The following DAB1 variants were observed in gnomAD, a reference collection of about 807,000 sequenced individuals.
DAB1 encodes DAB adaptor protein 1.
Under a neutral mutation model 64.6 loss-of-function variants are expected in DAB1, and 15 were observed. The observed-to-expected ratio is 0.23, with a 90% CI of 0.16 to 0.36. DAB1 has a LOEUF of 0.36. Ranked by LOEUF, DAB1 falls within the 10% of genes least tolerant of loss-of-function variation. DAB1 has a pLI of 1.00. For missense variants in DAB1, 596 were observed against 706.7 expected, an observed-to-expected ratio of 0.84 and a Z score of 1.78; for synonymous variants, 235 against 251.9, an observed-to-expected ratio of 0.93 and a Z score of 0.64.
intron 7 of DAB1, among the ~76,000 whole-genome samples, chr1:57,580,290 T>G (rs1645297910): frequency 6.6e-6 from 1 of 152,126 alleles, no homozygotes; most frequent in Non-Finnish European, 1.5e-5. Flanking sequence ...AAGGCTATAT[T>G]ACAAATGGTC....
intron 7 of DAB1, among the ~76,000 whole-genome samples, chr1:57,562,414 T>C (rs2691454): frequency 0.88 from 133,422 of 152,256 alleles, 60,114 homozygotes; most frequent in East Asian, 1. Context: ...AGGGGGCTCA[T>C]GCTCATGGAA....
intron 7 of DAB1, among the ~76,000 whole-genome samples, chr1:57,439,116 C>A (rs970249038): frequency 1.1e-4 from 16 of 152,142 alleles, no homozygotes; most frequent in Non-Finnish European, 2.2e-4. Flanking sequence ...TGCAGAAATA[C>A]TGAGGTGAAA....
intron 6 of DAB1, among the ~76,000 whole-genome samples, chr1:57,815,981 T>A (rs1439156098): frequency 6.6e-6 from 1 of 152,208 alleles, no homozygotes; most frequent in East Asian, 1.9e-4. Flanking sequence ...GAGTCAAGAT[T>A]TCTGGATCCC....
chr1:58,251,927 C>G (rs1660810004), intron 4 of DAB1, among the ~76,000 whole-genome samples: 1 of 152,162 alleles, frequency 6.6e-6, no homozygotes, highest in Non-Finnish European at 1.5e-5. Flanking sequence ...CTGACCTCCA[C>G]AACCACAGCA....
chr1:57,663,384 T>C (rs1459539886), intron 6 of DAB1, among the ~76,000 whole-genome samples: 1 of 152,094 alleles, frequency 6.6e-6, no homozygotes, highest in Non-Finnish European at 1.5e-5. Flanking sequence ...ATCAGGTGGG[T>C]ACATAGAAGC....
chr1:57,761,744 C>T (rs1649099918), intron 6 of DAB1, among the ~76,000 whole-genome samples: 1 of 152,234 alleles, frequency 6.6e-6, no homozygotes, highest in Non-Finnish European at 1.5e-5. Context: ...TGTCCCTGCC[C>T]TTGGCATTGT....
intron 4 of DAB1, among the ~76,000 whole-genome samples, chr1:58,277,188 C>T (rs536709277): frequency 5.9e-5 from 9 of 151,774 alleles, no homozygotes; most frequent in South Asian, 2.1e-4. Flanking sequence ...TACAGGCATG[C>T]GCCACCACAC....
chr1:58,276,595 G>C (rs999674210), intron 4 of DAB1, among the ~76,000 whole-genome samples: 2 of 152,172 alleles, frequency 1.3e-5, no homozygotes, highest in African/African-American at 4.8e-5. Flanking sequence ...AGACAAGGTT[G>C]GCTGATGAGG....
At chr1:57,786,303 A>G (rs1650336840) in intron 6 of DAB1, among the ~76,000 whole-genome samples, 2 of 152,156 alleles carry the variant, frequency 1.3e-5, no homozygotes, top group African/African-American at 4.8e-5. Context: ...AACCCACAAT[A>G]CCTCTAAGGT....
chr1:57,522,535 C>T (rs1285290358), intron 7 of DAB1, among the ~76,000 whole-genome samples: 1 of 152,170 alleles, frequency 6.6e-6, no homozygotes, highest in Non-Finnish European at 1.5e-5. Flanking sequence ...AATGGACTCA[C>T]AGTTCCACAG....
rs981424715 is a variant in DAB1 at position 57,472,655 on chromosome 1, C to T, written n.625+176937G>A. Among the ~76,000 whole-genome samples the T allele has an allele frequency of 4.6e-5, 7 of 152,126 alleles. No homozygotes were observed. The East Asian group carries it at 5.8e-4, about 13-fold the overall frequency. On this transcript the variant is annotated intron_variant and non_coding_transcript_variant, in intron 7 of 20. Coordinates refer to the DAB1 transcript ENST00000485760. Reference sequence around the variant, plus strand: ...TGCTCAATCGATCACGACCCTCTCACGCGCACCCCCTTAGAGTTGTGAGCC... The same window carrying T: ...TGCTCAATCGATCACGACCCTCTCATGCGCACCCCCTTAGAGTTGTGAGCC...
At chr1:58,310,322 G>A (rs996095166) in intron 4 of DAB1, among the ~76,000 whole-genome samples, 7 of 152,128 alleles carry the variant, frequency 4.6e-5, no homozygotes, top group Non-Finnish European at 1.5e-5. Flanking sequence ...AATTGATACA[G>A]AAGAGTATTC....
At chr1:57,984,544 T>C (rs547182079) in intron 5 of DAB1, among the ~76,000 whole-genome samples, 1 of 152,310 alleles carries the variant, frequency 6.6e-6, no homozygotes, top group Admixed American at 6.5e-5. Flanking sequence ...TCCAGCAAAT[T>C]AAGCAGTAGG....
chr1:58,221,206 T>C (rs1659153836), intron 4 of DAB1, among the ~76,000 whole-genome samples: 1 of 152,038 alleles, frequency 6.6e-6, no homozygotes, highest in African/African-American at 2.4e-5. Context: ...CCTGAGAAAA[T>C]ATGAATCAGA....
chr1:58,444,083 T>G (rs1645040593), intron 3 of DAB1, among the ~76,000 whole-genome samples: 1 of 152,250 alleles, frequency 6.6e-6, no homozygotes. Flanking sequence ...TCTCCTGTCT[T>G]GGTTCTTATT....
At chr1:57,763,484 C>A (rs1649173525) in intron 6 of DAB1, among the ~76,000 whole-genome samples, 1 of 152,032 alleles carries the variant, frequency 6.6e-6, no homozygotes. Context: ...TCAAGACAAG[C>A]CTGACAATAG....
At chr1:57,117,815 A>C (rs1656271514) in intron 4 of DAB1, among the ~76,000 whole-genome samples, 2 of 150,694 alleles carry the variant, frequency 1.3e-5, no homozygotes, top group East Asian at 2.0e-4. Context: ...AAAATGTTGA[A>C]GTCCACTTCC....
At chr1:58,033,699 GATTA>G (rs900177470) in intron 5 of DAB1, among the ~76,000 whole-genome samples, 19 of 152,124 alleles carry the variant, frequency 1.2e-4, no homozygotes, top group Admixed American at 7.2e-4. Context: ...TTGTTGAGTA[GATTA>G]ATTAAGAGTG....
At chr1:57,355,535 G>C (rs1398432784) in intron 1 of DAB1, among the ~76,000 whole-genome samples, 3 of 152,016 alleles carry the variant, frequency 2.0e-5, no homozygotes, top group African/African-American at 7.2e-5. Context: ...AGTGCTATGG[G>C]GATAGAGTGG....
Sources: gnomAD v4.1 joint callset for allele counts (sites outside exome capture counted in the v4.1 genomes callset) on GRCh38, gnomAD v4.1.1 for gene constraint, MANE v1.5 for transcripts, NCBI Gene and HGNC (gene_info 2026-07-23, HGNC 2026-07-21) for gene names.